The following CUL3 variants were observed in gnomAD, a reference collection of about 807,000 sequenced individuals.
The protein encoded by CUL3 is cullin-3.
CUL3 carries 19 observed loss-of-function variants against 89.1 expected under a neutral mutation model. That is an observed-to-expected ratio of 0.21 (90% CI 0.15 to 0.31). The LOEUF (loss-of-function observed/expected upper bound fraction) is 0.31, where lower values mean the gene tolerates loss of function less well. Ranked by LOEUF, CUL3 falls within the 10% of genes least tolerant of loss-of-function variation. The pLI, the probability that CUL3 is intolerant of heterozygous loss-of-function variation, is 1.00. For missense variants in CUL3, 469 were observed against 942.3 expected, an observed-to-expected ratio of 0.50 and a Z score of 6.58; for synonymous variants, 351 against 308.4, an observed-to-expected ratio of 1.14 and a Z score of -1.45.
intron 3 of CUL3, among the ~76,000 whole-genome samples, chr2:224,528,105 T>C: frequency 6.6e-6 from 1 of 152,248 alleles, no homozygotes; most frequent in East Asian, 1.9e-4. Flanking sequence ...AGTTTCTTAT[T>C]GCTGCTGTAA....
At chr2:224,544,839 T>C (rs1694241702) in intron 2 of CUL3, among the ~76,000 whole-genome samples, 1 of 151,666 alleles carries the variant, frequency 6.6e-6, no homozygotes. Context: ...TTCATGGCTC[T>C]TTCCCTCACC....
At chr2:224,567,387 T>C (rs1402906359) in intron 1 of CUL3, among the ~76,000 whole-genome samples, 3 of 152,110 alleles carry the variant, frequency 2.0e-5, no homozygotes, top group African/African-American at 4.8e-5. Context: ...GTGGCTAATA[T>C]TTTTAATTTT....
At chr2:224,583,708 G>A (rs1021926892) in intron 1 of CUL3, among the ~76,000 whole-genome samples, 9 of 152,178 alleles carry the variant, frequency 5.9e-5, no homozygotes, top group African/African-American at 1.9e-4. Flanking sequence ...TTCTGCATGA[G>A]GTGTATCCTT....
intron 13 of CUL3, among the ~76,000 whole-genome samples, chr2:224,492,352 C>T (rs546404997): frequency 6.6e-6 from 1 of 152,024 alleles, no homozygotes; most frequent in Non-Finnish European, 1.5e-5. Flanking sequence ...AGTTATGTCC[C>T]TAATGATTGC....
intron 2 of CUL3, among the ~76,000 whole-genome samples, chr2:224,553,405 G>A (rs1694588853): frequency 6.6e-6 from 1 of 152,182 alleles, no homozygotes; most frequent in African/African-American, 2.4e-5. Context: ...GATCATTAAT[G>A]ACTATGTATA....
At chr2:224,556,056 C>T (rs1206319015) in intron 2 of CUL3, among the ~76,000 whole-genome samples, 2 of 152,098 alleles carry the variant, frequency 1.3e-5, no homozygotes, top group African/African-American at 2.4e-5. Flanking sequence ...AATCACCTTG[C>T]TTCATAAGAT....
chr2:224,485,746 C>G lies in CUL3; in HGVS notation c.1843-3668G>C, dbSNP rs1177741035. On this transcript the variant is annotated intron_variant, in intron 13 of 15. Coordinates refer to ENST00000264414, the MANE Select transcript of CUL3 (RefSeq NM_003590.5). The surrounding 1 kb of genome is among the most constrained non-coding windows in gnomAD (Gnocchi z 4.1). ...GAGAGCAGTGGATCCCACAGCGCAG[C>G]ACTCCAGCTCTGCGAAGGGACAGAC... Among the ~76,000 whole-genome samples the G allele has an allele frequency of 4.6e-5, 7 of 152,364 alleles. No homozygotes were observed. Among genetic ancestry groups the G allele is most frequent in the Admixed American group, 4.6e-4 (7 of 15,310 alleles).
At position 224,526,745 on chromosome 2, in the gene CUL3, A is replaced by G. The variant is rs533680676; in HGVS notation, c.378+8783T>C. Among the ~76,000 whole-genome samples, 4 of 152,024 alleles carry G rather than the reference A, an allele frequency of 2.6e-5. No homozygotes were observed. The South Asian group carries it at 8.3e-4, about 32-fold the overall frequency. ...TAAAATCATCACTGCATATACCCAGAAAACAGTTCACAAGGCACAGCGATC... is the reference window on the plus strand; with the variant it reads ...TAAAATCATCACTGCATATACCCAGGAAACAGTTCACAAGGCACAGCGATC... On this transcript the variant is annotated intron_variant, in intron 3 of 15. Transcript: ENST00000264414.
At chr2:224,530,296 T>C (rs1052582487) in intron 3 of CUL3, among the ~76,000 whole-genome samples, 3 of 151,948 alleles carry the variant, frequency 2.0e-5, no homozygotes, top group Non-Finnish European at 4.4e-5. Context: ...GCTGATTAGG[T>C]AGTAGGTGGG....
At chr2:224,553,999 A>G (rs1028843091) in intron 2 of CUL3, among the ~76,000 whole-genome samples, 5 of 152,170 alleles carry the variant, frequency 3.3e-5, no homozygotes, top group African/African-American at 1.2e-4. Flanking sequence ...CTACTGGACC[A>G]TATCTTCAAC....
At chr2:224,546,336 C>T (rs1160860159) in intron 2 of CUL3, among the ~76,000 whole-genome samples, 1 of 151,898 alleles carries the variant, frequency 6.6e-6, no homozygotes, top group South Asian at 2.1e-4. Flanking sequence ...GGTTCTAAGC[C>T]GACAGACAGA....
chr2:224,478,071 C>T, intron 15 of CUL3, 129 bp downstream of exon 15: 1 of 876,272 alleles, frequency 1.1e-6, no homozygotes, highest in Non-Finnish European at 1.6e-6. Flanking sequence ...GAGTGCCATA[C>T]ATTTCATAAG....
chr2:224,568,427 G>A (rs529290765), intron 1 of CUL3, among the ~76,000 whole-genome samples: 24 of 152,262 alleles, frequency 1.6e-4, no homozygotes, highest in African/African-American at 5.8e-4. Context: ...ACAGAAGGTT[G>A]TAAACAAATG....
chr2:224,550,366 G>C (rs1413356174), intron 2 of CUL3, among the ~76,000 whole-genome samples: 1 of 152,134 alleles, frequency 6.6e-6, no homozygotes, highest in African/African-American at 2.4e-5. Flanking sequence ...GATAAGCTGT[G>C]GAATTTTCCA....
intron 3 of CUL3, among the ~76,000 whole-genome samples, chr2:224,519,899 A>C (rs1211934557): frequency 6.6e-6 from 1 of 152,052 alleles, no homozygotes; most frequent in Non-Finnish European, 1.5e-5. Flanking sequence ...AGCAAACTCA[A>C]AGTATGAACA....
intron 3 of CUL3, among the ~76,000 whole-genome samples, chr2:224,524,708 G>C (rs1444397072): frequency 6.6e-6 from 1 of 151,960 alleles, no homozygotes; most frequent in Non-Finnish European, 1.5e-5. Context: ...TTGGAGGAAG[G>C]TATCATGCAG....
intron 15 of CUL3, 131 bp from the exon 16 acceptor site, chr2:224,474,507 A>T (rs1211613924): frequency 8.4e-6 from 6 of 711,958 alleles, no homozygotes; most frequent in Non-Finnish European, 1.3e-5. Context: ...AAAAGCACAG[A>T]AACTTTAAAA....
chr2:224,490,319 T>C (rs1691911195), intron 13 of CUL3, among the ~76,000 whole-genome samples: 1 of 152,182 alleles, frequency 6.6e-6, no homozygotes, highest in Non-Finnish European at 1.5e-5. Flanking sequence ...CCTCTCTCTC[T>C]AACCCCCTCT....
intron 5 of CUL3, among the ~76,000 whole-genome samples, chr2:224,512,500 G>A (rs996462974): frequency 1.3e-5 from 2 of 152,186 alleles, no homozygotes; most frequent in Non-Finnish European, 2.9e-5. Context: ...CCTTGTTACA[G>A]TTACCTTATA....
Sources: allele counts gnomAD v4.1 joint callset (sites outside exome capture counted in the v4.1 genomes callset), GRCh38; gene constraint gnomAD v4.1.1; non-coding constraint Gnocchi (gnomAD v3.1); transcripts MANE v1.5; gene names NCBI Gene and HGNC (gene_info 2026-07-23, HGNC 2026-07-21).